Variants in TRHDE observed in about 807,000 individuals in gnomAD.
The protein encoded by TRHDE is thyrotropin releasing hormone degrading enzyme, also known as thyrotropin-releasing hormone-degrading ectoenzyme.
A neutral mutation model predicts 125.7 loss-of-function variants in TRHDE; 72 were observed. The observed-to-expected ratio is 0.57, with a 90% CI of 0.47 to 0.70. The LOEUF (loss-of-function observed/expected upper bound fraction) is 0.70. Among genes scored for constraint, TRHDE ranks in the 30% least tolerant of loss-of-function variants. The pLI, the probability that TRHDE is intolerant of heterozygous loss-of-function variation, is 0.00. For synonymous variants in TRHDE, 509 were observed against 509.1 expected, an observed-to-expected ratio of 1.00 and a Z score of 0.00; for missense variants, 1,110 against 1,327.1, an observed-to-expected ratio of 0.84 and a Z score of 2.54.
chr12:72,102,400 GGA>G (rs1428925868), intron 1 of TRHDE, among the ~76,000 whole-genome samples: 6 of 152,138 alleles, frequency 3.9e-5, no homozygotes, highest in African/African-American at 1.4e-4. Context: ...AGAAATGCCA[GGA>G]ATTCGATAGG....
intron 10 of TRHDE, among the ~76,000 whole-genome samples, chr12:72,570,742 T>A (rs1870685345): frequency 6.6e-6 from 1 of 152,174 alleles, no homozygotes; most frequent in African/African-American, 2.4e-5. Context: ...AAATATCACC[T>A]ATCTTGATAT....
chr12:72,203,918 T>C (rs991435609), intron 2 of TRHDE, among the ~76,000 whole-genome samples: 3 of 152,186 alleles, frequency 2.0e-5, no homozygotes, highest in African/African-American at 7.2e-5. Context: ...CTTTGACCCA[T>C]CCCCGCTTTC....
chr12:72,328,045 A>G (rs1426783641), intron 2 of TRHDE, among the ~76,000 whole-genome samples: 1 of 152,186 alleles, frequency 6.6e-6, no homozygotes, highest in Non-Finnish European at 1.5e-5. Context: ...TAAATGGCCC[A>G]CGAGTATCAT....
At chr12:72,284,969 C>T (rs1032058583) in intron 1 of TRHDE, among the ~76,000 whole-genome samples, 4 of 152,098 alleles carry the variant, frequency 2.6e-5, no homozygotes, top group African/African-American at 9.7e-5. Context: ...CTTAACCAAG[C>T]GTGGTGTGTA....
At chr12:72,304,518 T>A (rs1360078615) in intron 2 of TRHDE, among the ~76,000 whole-genome samples, 1 of 152,164 alleles carries the variant, frequency 6.6e-6, no homozygotes, top group Non-Finnish European at 1.5e-5. Context: ...TGGATTTCTA[T>A]GAATATATAG....
chr12:72,623,247 C>T (rs977487718), intron 15 of TRHDE, among the ~76,000 whole-genome samples: 1 of 151,902 alleles, frequency 6.6e-6, no homozygotes, highest in Non-Finnish European at 1.5e-5. Flanking sequence ...CTTCTCTCTT[C>T]CCTTTTGTTT....
rs192070035 is a variant in TRHDE, at chr12:72,387,262, G to A, written c.1315+9141G>A. ...GCCTTAGATACTTTTTCTGTAATAT[G>A]ACACATCTGACCTATCAGCAAATCC... On this transcript the variant is annotated intron_variant, in intron 3 of 18. Coordinates refer to ENST00000261180, the MANE Select transcript of TRHDE (RefSeq NM_013381.3). Among the ~76,000 whole-genome samples, 17 of 152,206 alleles carry A rather than the reference G, an allele frequency of 1.1e-4. No individual in the cohort carries two copies. The East Asian group carries it at 2.7e-3, about 24-fold the overall frequency.
At chr12:72,388,924 AAG>A (rs1474849266) in intron 3 of TRHDE, among the ~76,000 whole-genome samples, 1 of 151,506 alleles carries the variant, frequency 6.6e-6, no homozygotes, top group Non-Finnish European at 1.5e-5. Context: ...GTTTTTTTAA[AAG>A]AGAACATTTA....
intron 1 of TRHDE, among the ~76,000 whole-genome samples, chr12:72,089,249 A>G (rs979429513): frequency 3.3e-5 from 5 of 152,158 alleles, no homozygotes; most frequent in Admixed American, 2.6e-4. Flanking sequence ...CATTGTTTCC[A>G]GCATTGCCCT....
intron 2 of TRHDE, among the ~76,000 whole-genome samples, chr12:72,376,628 G>A (rs1397792502): frequency 6.6e-6 from 1 of 152,072 alleles, no homozygotes; most frequent in Non-Finnish European, 1.5e-5. Context: ...CAGGTCTTTC[G>A]AACATACAGT....
chr12:72,243,449 A>G (rs1212349229), intron 2 of TRHDE, among the ~76,000 whole-genome samples: 2 of 152,230 alleles, frequency 1.3e-5, no homozygotes, highest in East Asian at 3.8e-4. Context: ...CAAAGTGCAA[A>G]ATATATACCA....
chr12:72,169,971 T>C (rs1018103838), intron 2 of TRHDE, among the ~76,000 whole-genome samples: 2 of 152,146 alleles, frequency 1.3e-5, no homozygotes, highest in African/African-American at 2.4e-5. Flanking sequence ...CACAATGTTA[T>C]ACCAGATTTA....
At chr12:72,200,860 A>G (rs879531164) in intron 2 of TRHDE, among the ~76,000 whole-genome samples, 1 of 151,594 alleles carries the variant, frequency 6.6e-6, no homozygotes. Flanking sequence ...CAGCTTGTTT[A>G]TAAGTGTGCA....
intron 2 of TRHDE, among the ~76,000 whole-genome samples, chr12:72,179,653 T>C (rs901540143): frequency 2.6e-5 from 4 of 152,144 alleles, no homozygotes; most frequent in Non-Finnish European, 5.9e-5. Context: ...TCTACAGTCA[T>C]AACTCATGTA....
intron 2 of TRHDE, among the ~76,000 whole-genome samples, chr12:72,135,452 A>G (rs764772850): frequency 2.6e-5 from 4 of 152,154 alleles, no homozygotes; most frequent in Non-Finnish European, 4.4e-5. Flanking sequence ...CAATCAATAC[A>G]TGGGACAAAG....
intron 3 of TRHDE, among the ~76,000 whole-genome samples, chr12:72,456,869 T>C (rs1255295822): frequency 1.3e-5 from 2 of 152,154 alleles, no homozygotes; most frequent in Non-Finnish European, 2.9e-5. Flanking sequence ...TTTCATTTCT[T>C]GATCTAATGT....
intron 2 of TRHDE, among the ~76,000 whole-genome samples, chr12:72,262,283 C>T (rs547037688): frequency 3.3e-5 from 5 of 152,246 alleles, no homozygotes; most frequent in South Asian, 4.1e-4. Context: ...TTTATAAGGT[C>T]GCTAAGACTT....
chr12:72,519,036 C>A (rs1368272228), intron 6 of TRHDE, among the ~76,000 whole-genome samples: 18 of 152,180 alleles, frequency 1.2e-4, no homozygotes, highest in Non-Finnish European at 2.2e-4. Context: ...GATGGGCTTC[C>A]CTTTGTGGGT....
chr12:72,474,453 G>A (rs530751374), intron 5 of TRHDE, among the ~76,000 whole-genome samples: 1 of 151,850 alleles, frequency 6.6e-6, no homozygotes, highest in South Asian at 2.1e-4. Context: ...CAAGCCTCTG[G>A]CAACCACCAT....
Sources: allele counts gnomAD v4.1 joint callset (sites outside exome capture counted in the v4.1 genomes callset), GRCh38; gene constraint gnomAD v4.1.1; transcripts MANE v1.5; gene names NCBI Gene and HGNC (gene_info 2026-07-23, HGNC 2026-07-21).